The following COBL variants were observed in gnomAD, a reference collection of about 807,000 sequenced individuals.
The protein encoded by COBL is protein cordon-bleu.
COBL carries 51 observed loss-of-function variants against 98.8 expected under a neutral mutation model. The observed-to-expected ratio is 0.52, with a 90% CI of 0.41 to 0.65. COBL has a LOEUF of 0.65. Ranked by LOEUF, COBL falls within the 30% of genes least tolerant of loss-of-function variation. The pLI is 0.00. For missense variants in COBL, 1,617 were observed against 1,617.5 expected, an observed-to-expected ratio of 1.00 and a Z score of 0.01; for synonymous variants, 634 against 651.7, an observed-to-expected ratio of 0.97 and a Z score of 0.41.
chr7:51,156,789 T>C (rs1562974446), intron 5 of COBL, among the ~76,000 whole-genome samples: 2 of 151,782 alleles, frequency 1.3e-5, no homozygotes, highest in Non-Finnish European at 2.9e-5. Flanking sequence ...ATGGAACTGC[T>C]GAAGAATGGG....
chr7:51,290,858 G>A (rs2129186791), intron 1 of COBL, among the ~76,000 whole-genome samples: 1 of 152,178 alleles, frequency 6.6e-6, no homozygotes, highest in Non-Finnish European at 1.5e-5. Context: ...CCTGAAGCAG[G>A]GTGCCTCCCC....
chr7:51,245,590 A>G (rs976868817), intron 1 of COBL, among the ~76,000 whole-genome samples: 5 of 152,250 alleles, frequency 3.3e-5, no homozygotes, highest in African/African-American at 4.8e-5. Flanking sequence ...ATAAAAATAT[A>G]TAAAATTAGA....
At chr7:51,107,200 T>G (rs1298053615) in intron 6 of COBL, among the ~76,000 whole-genome samples, 2 of 151,108 alleles carry the variant, frequency 1.3e-5, no homozygotes, top group East Asian at 3.9e-4. Context: ...GTTCAAGTGA[T>G]TCTCCTGCCT....
At chr7:51,082,516 A>G (rs915846948) in intron 7 of COBL, among the ~76,000 whole-genome samples, 6 of 152,224 alleles carry the variant, frequency 3.9e-5, no homozygotes, top group Non-Finnish European at 8.8e-5. Context: ...CAGGACTTCA[A>G]TTCTGGCTTA....
intron 8 of COBL, chr7:51,034,015 T>C (rs1788393364): frequency 6.6e-6 from 1 of 152,350 alleles, no homozygotes; most frequent in South Asian, 2.1e-4. Flanking sequence ...TATCCACCAG[T>C]TACAGCTGCC....
At chr7:51,024,864 C>T (rs1003519995) in intron 12 of COBL, among the ~76,000 whole-genome samples, 4 of 152,136 alleles carry the variant, frequency 2.6e-5, no homozygotes, top group African/African-American at 7.2e-5. Flanking sequence ...TCATCATCAC[C>T]AAGGAGCTGA....
intron 4 of COBL, among the ~76,000 whole-genome samples, chr7:51,185,177 C>T (rs1445902952): frequency 6.6e-6 from 1 of 152,176 alleles, no homozygotes; most frequent in African/African-American, 2.4e-5. Flanking sequence ...GACAAGACAG[C>T]CATGGGATGT....
At chr7:51,172,482 T>C in intron 5 of COBL, 1 of 1,288,354 alleles carries the variant, frequency 7.8e-7, no homozygotes, top group Non-Finnish European at 1.0e-6. Context: ...GGGGCAGCCC[T>C]GGAGGTGTCC....
Position 51,039,095 on chromosome 7 carries a change from A to T in COBL, c.1406+4288T>A, listed in dbSNP as rs147207445. On this transcript the variant is annotated intron_variant, in intron 8 of 12. Coordinates refer to ENST00000265136, the MANE Select transcript of COBL (RefSeq NM_015198.5). ...GCCCTCTCTGGGCAGCCTCCTCTTG[A>T]TCAAGGTGGTGTTGGGTATATGTTT... Among the ~76,000 whole-genome samples the T allele has an allele frequency of 4.3e-3, 652 of 152,196 alleles. 3 individuals carry two copies. Among genetic ancestry groups the T allele is most frequent in the African/African-American group, 0.015 (624 of 41,514 alleles).
At chr7:51,032,882 GAA>G (rs1416539924) in intron 8 of COBL, 1 of 152,130 alleles carries the variant, frequency 6.6e-6, no homozygotes, top group African/African-American at 2.4e-5. Context: ...ATCTGAAATG[GAA>G]AAGAGATTTA....
intron 1 of COBL, among the ~76,000 whole-genome samples, chr7:51,268,037 T>C (rs1798386663): frequency 6.6e-6 from 1 of 152,176 alleles, no homozygotes; most frequent in Non-Finnish European, 1.5e-5. Flanking sequence ...CCCTGGTATC[T>C]GGTATTGGTG....
At chr7:51,250,894 A>T (rs1340157389) in intron 1 of COBL, among the ~76,000 whole-genome samples, 1 of 152,196 alleles carries the variant, frequency 6.6e-6, no homozygotes, top group Non-Finnish European at 1.5e-5. Context: ...CACGCAAAAG[A>T]GGGGCCTCAG....
intron 1 of COBL, among the ~76,000 whole-genome samples, chr7:51,246,655 G>T (rs148020461): frequency 6.6e-6 from 1 of 152,250 alleles, no homozygotes; most frequent in African/African-American, 2.4e-5. Flanking sequence ...ATGCAGAAAC[G>T]CTGATTAATG....
intron 5 of COBL, among the ~76,000 whole-genome samples, chr7:51,147,294 A>G (rs942775961): frequency 2.0e-5 from 3 of 152,224 alleles, no homozygotes; most frequent in African/African-American, 7.2e-5. Flanking sequence ...TATGGGTCAC[A>G]TTTGTTAGAA....
intron 7 of COBL, among the ~76,000 whole-genome samples, chr7:51,056,981 C>T (rs1192074205): frequency 6.6e-6 from 1 of 152,136 alleles, no homozygotes; most frequent in African/African-American, 2.4e-5. Flanking sequence ...ATCACGTGTC[C>T]TTCTGAGTAG....
intron 2 of COBL, among the ~76,000 whole-genome samples, chr7:51,214,103 TAAA>T (rs985792484): frequency 3.3e-5 from 5 of 151,834 alleles, no homozygotes; most frequent in Non-Finnish European, 7.4e-5. Context: ...CCGTCTCTAC[TAAA>T]AATGCAAATA....
At chr7:51,097,536 A>G (rs1795384441) in intron 6 of COBL, among the ~76,000 whole-genome samples, 1 of 152,234 alleles carries the variant, frequency 6.6e-6, no homozygotes, top group South Asian at 2.1e-4. Context: ...ACATGATTTT[A>G]TATGTAGAAA....
At chr7:51,108,473 C>T (rs1420552172) in intron 6 of COBL, among the ~76,000 whole-genome samples, 1 of 152,178 alleles carries the variant, frequency 6.6e-6, no homozygotes, top group Non-Finnish European at 1.5e-5. Flanking sequence ...GTTGGAGGTG[C>T]ACACAGTTGG....
intron 2 of COBL, among the ~76,000 whole-genome samples, chr7:51,216,335 C>T (rs551366031): frequency 6.6e-6 from 1 of 152,188 alleles, no homozygotes; most frequent in Admixed American, 6.5e-5. Flanking sequence ...GAAGCACCAC[C>T]ACACCCAGCT....
Sources: allele counts gnomAD v4.1 joint callset (sites outside exome capture counted in the v4.1 genomes callset), GRCh38; gene constraint gnomAD v4.1.1; transcripts MANE v1.5; gene names NCBI Gene and HGNC (gene_info 2026-07-23, HGNC 2026-07-21).